The following ANO10 variants were observed in gnomAD, a reference collection of about 807,000 sequenced individuals.
ANO10 encodes the protein anoctamin 10, also known as anoctamin-10.
Under a neutral mutation model 74.7 loss-of-function variants are expected in ANO10, and 77 were observed. The observed-to-expected ratio is 1.03, with a 90% CI of 0.86 to 1.25. The LOEUF (loss-of-function observed/expected upper bound fraction) is 1.25. Ranked by LOEUF, ANO10 falls within the 50% of genes most tolerant of loss-of-function variation. The pLI is 0.00. For synonymous variants in ANO10, 279 were observed against 284.9 expected (o/e 0.98, Z 0.21); for missense variants, 721 against 778.1 (o/e 0.93, Z 0.87).
chr3:43,591,255 G>T (rs1054071195), intron 4 of ANO10, among the ~76,000 whole-genome samples: 1 of 152,154 alleles, frequency 6.6e-6, no homozygotes, highest in South Asian at 2.1e-4. Flanking sequence ...GATCAGGCAG[G>T]GTGTCCGCTG....
chr3:43,468,487 C>T (rs529735837), intron 11 of ANO10, among the ~76,000 whole-genome samples: 5 of 152,282 alleles, frequency 3.3e-5, no homozygotes, highest in African/African-American at 1.2e-4. Context: ...GTGCACATGG[C>T]TTTCTAGGAC....
chr3:43,567,099 T>A (rs1345561573), intron 7 of ANO10, among the ~76,000 whole-genome samples: 1 of 151,566 alleles, frequency 6.6e-6, no homozygotes, highest in Non-Finnish European at 1.5e-5. Context: ...GAAGATGAAA[T>A]GAATGAAATG....
chr3:43,579,655 G>A (rs2081177834), intron 5 of ANO10, among the ~76,000 whole-genome samples: 1 of 152,206 alleles, frequency 6.6e-6, no homozygotes, highest in South Asian at 2.1e-4. Context: ...GGAGGTGGAG[G>A]TTGCAGTGAG....
At chr3:43,410,277 GTCTC>G (rs2092644312) in intron 12 of ANO10, among the ~76,000 whole-genome samples, 1 of 152,004 alleles carries the variant, frequency 6.6e-6, no homozygotes, top group Non-Finnish European at 1.5e-5. Flanking sequence ...TAGAGACAGA[GTCTC>G]TCTGTCTCAC....
chr3:43,436,680 C>T (rs532147908), intron 11 of ANO10, among the ~76,000 whole-genome samples: 3 of 152,182 alleles, frequency 2.0e-5, no homozygotes, highest in Non-Finnish European at 2.9e-5. Context: ...AAGTACTGCC[C>T]GCTCTGCTAT....
chr3:43,544,653 CGTG>C (rs2079100530), intron 11 of ANO10, among the ~76,000 whole-genome samples: 1 of 151,816 alleles, frequency 6.6e-6, no homozygotes, highest in Non-Finnish European at 1.5e-5. Context: ...ATTAGCCAAG[CGTG>C]GTGGTGTGCA....
intron 11 of ANO10, among the ~76,000 whole-genome samples, chr3:43,517,552 C>T (rs955323811): frequency 6.6e-6 from 1 of 152,086 alleles, no homozygotes; most frequent in Non-Finnish European, 1.5e-5. Flanking sequence ...TACCAGTGAG[C>T]TCACATACTC....
At chr3:43,645,630 C>T (rs1017742133) in intron 1 of ANO10, among the ~76,000 whole-genome samples, 13 of 152,054 alleles carry the variant, frequency 8.5e-5, no homozygotes, top group Non-Finnish European at 1.8e-4. Context: ...GCTTTGAAGT[C>T]GGACATGTGC....
intron 1 of ANO10, among the ~76,000 whole-genome samples, chr3:43,627,147 C>G (rs1385625370): frequency 2.0e-5 from 3 of 152,268 alleles, no homozygotes; most frequent in Non-Finnish European, 4.4e-5. Flanking sequence ...CAAACCCAGC[C>G]AGTACCAGAT....
intron 11 of ANO10, among the ~76,000 whole-genome samples, chr3:43,460,647 C>A (rs2075336630): frequency 6.6e-6 from 1 of 152,096 alleles, no homozygotes; most frequent in African/African-American, 2.4e-5. Flanking sequence ...AACAGATAGC[C>A]AAGACTCACC....
intron 12 of ANO10, among the ~76,000 whole-genome samples, chr3:43,376,468 C>T (rs892265792): frequency 6.6e-6 from 1 of 152,130 alleles, no homozygotes; most frequent in African/African-American, 2.4e-5. Context: ...AAGTCCCTAA[C>T]ATCAAAAGCA....
intron 11 of ANO10, among the ~76,000 whole-genome samples, chr3:43,524,023 G>T (rs2078077093): frequency 6.6e-6 from 1 of 152,138 alleles, no homozygotes; most frequent in African/African-American, 2.4e-5. Flanking sequence ...GGGTAGATAA[G>T]CTCACCTAGG....
At chr3:43,686,470 G>A (rs1004937019) in intron 1 of ANO10, among the ~76,000 whole-genome samples, 1 of 152,094 alleles carries the variant, frequency 6.6e-6, no homozygotes, top group Non-Finnish European at 1.5e-5. Context: ...ACTTTTGGTA[G>A]AGATGGGGTC....
chr3:43,482,303 A>T (rs2076304625), intron 11 of ANO10, among the ~76,000 whole-genome samples: 2 of 152,066 alleles, frequency 1.3e-5, no homozygotes, highest in African/African-American at 4.8e-5. Context: ...TGTTCTCAGG[A>T]TCTCCTGGGG....
At chr3:43,500,374 T>G (rs2077056089) in intron 11 of ANO10, among the ~76,000 whole-genome samples, 1 of 152,168 alleles carries the variant, frequency 6.6e-6, no homozygotes, top group African/African-American at 2.4e-5. Context: ...TTTTCTGATC[T>G]TATCAAAAGG....
chr3:43,498,633 C>T (rs2076994947), intron 11 of ANO10, among the ~76,000 whole-genome samples: 1 of 152,208 alleles, frequency 6.6e-6, no homozygotes, highest in African/African-American at 2.4e-5. Flanking sequence ...ATTCCCTTCC[C>T]TCTACTTTGT....
chr3:43,431,307 A>G (rs2092977166), intron 12 of ANO10, among the ~76,000 whole-genome samples: 1 of 151,954 alleles, frequency 6.6e-6, no homozygotes, highest in Admixed American at 6.6e-5. Flanking sequence ...TCCTGGGCTC[A>G]AGGGATCTAC....
chr3:43,571,351 C>T (rs1371200297), intron 7 of ANO10, among the ~76,000 whole-genome samples: 5 of 151,990 alleles, frequency 3.3e-5, no homozygotes, highest in African/African-American at 1.2e-4. Flanking sequence ...ACCCAAAGGA[C>T]TATAAATCAT....
rs377688153 is a variant in ANO10 at position 43,619,477 on chromosome 3, G to T, written c.-12+2432C>A. Reference sequence around the variant, plus strand: ...TCACATCTGGGGAAGCTAGGTGAAGGGCATAAGGAAATTTGTACTATTTTT... The same window carrying T: ...TCACATCTGGGGAAGCTAGGTGAAGTGCATAAGGAAATTTGTACTATTTTT... On this transcript the variant is annotated intron_variant, in intron 1 of 12. Transcript: ENST00000292246. Among the ~76,000 whole-genome samples the T allele has an allele frequency of 5.1e-4, 77 of 152,128 alleles. No homozygotes were observed. The East Asian group carries it at 0.013, about 25-fold the overall frequency.
Sources: gnomAD v4.1 joint callset for allele counts (sites outside exome capture counted in the v4.1 genomes callset) on GRCh38, gnomAD v4.1.1 for gene constraint, MANE v1.5 for transcripts, NCBI Gene and HGNC (gene_info 2026-07-23, HGNC 2026-07-21) for gene names.